Variants in NDRG2 observed in about 807,000 individuals in gnomAD.
The protein encoded by NDRG2 is protein NDRG2.
Under a neutral mutation model 58.2 loss-of-function variants are expected in NDRG2, and 34 were observed. That is an observed-to-expected ratio of 0.58 (90% CI 0.44 to 0.78). NDRG2 has a LOEUF of 0.78. Ranked by LOEUF, NDRG2 falls within the 30% of genes least tolerant of loss-of-function variation. The pLI is 0.00. For synonymous variants in NDRG2, 187 were observed against 175.9 expected, an observed-to-expected ratio of 1.06 and a Z score of -0.50; for missense variants, 434 against 471.2, an observed-to-expected ratio of 0.92 and a Z score of 0.73.
At chr14:21,029,169 C>T (rs1883893500), upstream of NDRG2, 1 of 152,188 alleles carries the variant, frequency 6.6e-6, no homozygotes, top group Admixed American at 6.5e-5. Context: ...TTGCGACTGG[C>T]CTTTTAAAGC....
intron 1 of NDRG2, chr14:21,057,723 C>T (rs1430712918): frequency 1.7e-6 from 1 of 602,170 alleles, no homozygotes; most frequent in Non-Finnish European, 2.9e-6. Flanking sequence ...ACATTATCTG[C>T]TGGTACTAAA....
rs1878689993 is a variant in NDRG2, at chr14:21,019,216, T to C, written c.717-56A>G. 4.2e-6 allele frequency: 6 copies of C among 1,438,882 alleles called. No homozygotes were observed. The Admixed American group carries it at 8.2e-5, about 20-fold the overall frequency. The allele number at this position is 1,438,882 out of a possible 1,614,324, so 89.1% of individuals were successfully genotyped here. A position where few individuals can be genotyped will look rare whatever the true frequency, so the allele number is the denominator to read the frequency against. On this transcript the variant is annotated intron_variant, in intron 10 of 15. Transcript: ENST00000556147. Reference sequence around the variant, plus strand: ...AGGTGGGCAATGCTATCTAACCAGATATAAGCTATCTCTCCCATGATGGAA... The same window carrying C: ...AGGTGGGCAATGCTATCTAACCAGACATAAGCTATCTCTCCCATGATGGAA...
chr14:21,069,966 C>G (rs571345086), intron 1 of NDRG2, among the ~76,000 whole-genome samples: 2 of 152,220 alleles, frequency 1.3e-5, no homozygotes, highest in Non-Finnish European at 2.9e-5. Flanking sequence ...CGAGGCTAAA[C>G]TGATCCCGCG....
intron 1 of NDRG2, chr14:21,032,080 AG>A (rs1243938718): frequency 5.0e-6 from 8 of 1,610,434 alleles, no homozygotes; most frequent in Non-Finnish European, 5.9e-6. Context: ...CCAAGTAGAG[AG>A]GAGCTTCATC....
rs1886599029 is a variant in NDRG2 at position 21,070,307 on chromosome 14, C to T, written c.24+521G>A. 7.4e-7 allele frequency: 1 copy of T among 1,358,534 alleles called. No individual in the cohort carries two copies. The highest frequency in any genetic ancestry group is 1.5e-5 in the African/African-American group (1 of 64,972). 84.2% of individuals were successfully genotyped at this position (1,358,534 alleles called of 1,614,324 possible). A position where few individuals can be genotyped will look rare whatever the true frequency, so the allele number is the denominator to read the frequency against. On this transcript the variant is annotated intron_variant, in intron 1 of 14. Coordinates refer to the NDRG2 transcript ENST00000403829. This position sits in a 1 kb window ranked among gnomAD's most constrained non-coding sequence, Gnocchi z 4.7. Reference sequence around the variant, plus strand: ...CGGCCGGAGCTGTCCCTTAGCCAGACCCGGCGAGACACGAGCGGCGGGAGG... The same window carrying T: ...CGGCCGGAGCTGTCCCTTAGCCAGATCCGGCGAGACACGAGCGGCGGGAGG...
At chr14:21,031,356 C>A in intron 1 of NDRG2, 1 of 624,720 alleles carries the variant, frequency 1.6e-6, no homozygotes, top group Non-Finnish European at 2.6e-6. Flanking sequence ...AGGTCCATGG[C>A]TATTTTAATA....
intron 1 of NDRG2, among the ~76,000 whole-genome samples, chr14:21,058,754 A>G (rs1955598162): frequency 6.6e-6 from 1 of 152,212 alleles, no homozygotes; most frequent in African/African-American, 2.4e-5. Context: ...GACAGGGGTA[A>G]TTATCTAAGG....
chr14:21,048,585 G>C (rs1885316516), intron 1 of NDRG2: 1 of 152,144 alleles, frequency 6.6e-6, no homozygotes, highest in South Asian at 2.1e-4. Context: ...TGGTTTTTGG[G>C]CTTGAATACC....
intron 1 of NDRG2, among the ~76,000 whole-genome samples, chr14:21,060,365 G>T (rs1482426894): frequency 2.0e-5 from 3 of 151,794 alleles, no homozygotes; most frequent in Non-Finnish European, 4.4e-5. Context: ...GCCCACCCTC[G>T]TGCTTATAAC....
chr14:21,031,944 C>T (rs1291871408), intron 1 of NDRG2: 1 of 1,614,168 alleles, frequency 6.2e-7, no homozygotes, highest in Non-Finnish European at 8.5e-7. Flanking sequence ...AGCAAGTACA[C>T]CGGCACCCAC....
rs905847407 is a variant in NDRG2 at position 21,070,337 on chromosome 14, C to A, written c.24+491G>T. The A allele has an allele frequency of 5.0e-6, 7 of 1,399,056 alleles. No individual in the cohort carries two copies. The highest frequency in any genetic ancestry group is 6.2e-5 in the Admixed American group (2 of 32,384). 86.7% of individuals were successfully genotyped at this position (1,399,056 alleles called of 1,614,324 possible). A position where few individuals can be genotyped will look rare whatever the true frequency, so the allele number is the denominator to read the frequency against. ...CGAGACACGAGCGGCGGGAGGGAGG[C>A]GGTGGCGCGCCCGGCCCCGCCCGCC... On this transcript the variant is annotated intron_variant, in intron 1 of 14. Coordinates refer to the NDRG2 transcript ENST00000403829. This position sits in a 1 kb window ranked among gnomAD's most constrained non-coding sequence, Gnocchi z 4.7.
At chr14:21,051,643 A>T (rs17211782) in intron 1 of NDRG2, among the ~76,000 whole-genome samples, 72,605 of 152,082 alleles carry the variant, frequency 0.48, 19,805 homozygotes, top group East Asian at 0.6. Context: ...ATAGAAAAGA[A>T]AAATGGACCT....
chr14:21,057,618 CAT>C (rs57420807), intron 1 of NDRG2, among the ~76,000 whole-genome samples: 2,506 of 122,862 alleles, frequency 0.02, 209 homozygotes, highest in African/African-American at 0.076. Flanking sequence ...TCATTTTATT[CAT>C]ATATATATAT....
At chr14:21,058,500 T>C in intron 1 of NDRG2, 1 of 639,696 alleles carries the variant, frequency 1.6e-6, no homozygotes, top group South Asian at 2.0e-5. Context: ...CTTGGTTTCT[T>C]AGGGAGTTTT....
intron 1 of NDRG2, among the ~76,000 whole-genome samples, chr14:21,049,923 T>G (rs904820421): frequency 6.6e-6 from 1 of 152,126 alleles, no homozygotes; most frequent in African/African-American, 2.4e-5. Flanking sequence ...ATTACAGGTA[T>G]GCACCACCAT....
intron 6 of NDRG2, 143 bp from the exon 7 acceptor site, chr14:21,020,987 A>C (rs1311622103): frequency 1.1e-6 from 1 of 927,334 alleles, no homozygotes; most frequent in Non-Finnish European, 1.7e-6. Flanking sequence ...GGAGGACGCG[A>C]AAAAGAAGGG....
chr14:21,049,165 C>G (rs1393676831), intron 1 of NDRG2, among the ~76,000 whole-genome samples: 2 of 152,184 alleles, frequency 1.3e-5, no homozygotes, highest in Non-Finnish European at 2.9e-5. Flanking sequence ...TTGATGGAGA[C>G]AGGGCTCTAG....
intron 1 of NDRG2, among the ~76,000 whole-genome samples, chr14:21,055,137 A>T (rs1405610680): frequency 6.6e-6 from 1 of 152,190 alleles, no homozygotes; most frequent in Non-Finnish European, 1.5e-5. Flanking sequence ...ATCTGAAAAG[A>T]TTTTTAAAGT....
chr14:21,019,032 A>G, intron 11 of NDRG2, 84 bp downstream of exon 11: 1 of 1,461,552 alleles, frequency 6.8e-7, no homozygotes, highest in Non-Finnish European at 9.3e-7. Flanking sequence ...GTTCCCTGGC[A>G]AAAGATTCTC....
Sources: allele counts gnomAD v4.1 joint callset (sites outside exome capture counted in the v4.1 genomes callset), GRCh38; gene constraint gnomAD v4.1.1; non-coding constraint Gnocchi (gnomAD v3.1); transcripts MANE v1.5; gene names NCBI Gene and HGNC (gene_info 2026-07-23, HGNC 2026-07-21).